TRAM2: variants seen among roughly 807,000 people sequenced by gnomAD.
TRAM2 encodes the protein translocation associated membrane protein 2.
Under a neutral mutation model 51.0 loss-of-function variants are expected in TRAM2, and 12 were observed. The observed-to-expected ratio is 0.24, with a 90% CI of 0.15 to 0.38. The LOEUF is 0.38. Ranked by LOEUF, TRAM2 falls within the 10% of genes least tolerant of loss-of-function variation. The pLI is 1.00. For synonymous variants in TRAM2, 175 were observed against 179.4 expected (o/e 0.98, Z 0.20); for missense variants, 361 against 462.0 (o/e 0.78, Z 2.00).
rs1766116888 is a variant in TRAM2, at chr6:52,497,838, T to C, written c.*5359A>G. The C allele has an allele frequency of 6.6e-6, 1 of 152,452 alleles. No individual in the cohort carries two copies. Among genetic ancestry groups the C allele is most frequent in the Non-Finnish European group, 1.5e-5 (1 of 68,042 alleles). The allele number at this position is 152,452 out of a possible 1,614,324, so 9.4% of individuals were successfully genotyped here. On this transcript the variant is annotated 3_prime_UTR_variant, in exon 11 of 11. Coordinates refer to ENST00000182527, the MANE Select transcript of TRAM2 (RefSeq NM_012288.4). ...AAGGAAACAGCGGTATTATATTTAC[T>C]GTCACAGCTAGACCCTATCAGGTGA... is the stretch of plus-strand genomic sequence containing the variant.
rs79327244 is a variant in TRAM2, at chr6:52,532,074, G to T, written c.184+3709C>A. On this transcript the variant is annotated intron_variant, in intron 2 of 10. Transcript: ENST00000182527. ...AGCTTTTTCTGCCCAGAGGGTCTGA[G>T]TTCAGCTCTAGAGTGTGCTGTCTAT... Among the ~76,000 whole-genome samples the T allele has an allele frequency of 2.0e-5, 3 of 152,336 alleles. No individual in the cohort carries two copies. The East Asian group carries it at 5.8e-4, about 29-fold the overall frequency.
chr6:52,546,669 CAG>C (rs1468154079), intron 1 of TRAM2, among the ~76,000 whole-genome samples: 3 of 152,088 alleles, frequency 2.0e-5, no homozygotes, highest in Admixed American at 6.5e-5. Flanking sequence ...GGGGTGATGA[CAG>C]ATATTCACAG....
intron 1 of TRAM2, among the ~76,000 whole-genome samples, chr6:52,543,148 C>T (rs1225679123): frequency 2.0e-5 from 3 of 149,216 alleles, no homozygotes; most frequent in Non-Finnish European, 4.4e-5. Context: ...CTTTGAGAGC[C>T]TTAATATATA....
intron 1 of TRAM2, among the ~76,000 whole-genome samples, chr6:52,564,667 C>G (rs1767560376): frequency 6.6e-6 from 1 of 152,170 alleles, no homozygotes; most frequent in African/African-American, 2.4e-5. Context: ...GACACCACCA[C>G]TCCCTAAGGA....
At chr6:52,508,679 A>G (rs546337081) in intron 5 of TRAM2, among the ~76,000 whole-genome samples, 1 of 152,366 alleles carries the variant, frequency 6.6e-6, no homozygotes, top group South Asian at 2.1e-4. Flanking sequence ...AAACAGCTCT[A>G]AGTAGCAAGG....
At chr6:52,509,948 T>C (rs1766423636) in intron 4 of TRAM2, among the ~76,000 whole-genome samples, 1 of 152,172 alleles carries the variant, frequency 6.6e-6, no homozygotes, top group African/African-American at 2.4e-5. Flanking sequence ...ACAGAGTTAT[T>C]GTTGGAAATG....
At chr6:52,516,280 A>G (rs1450414757) in intron 3 of TRAM2, 158 bp from the exon 4 acceptor site, 1 of 679,718 alleles carries the variant, frequency 1.5e-6, no homozygotes, top group South Asian at 1.8e-5. Context: ...CTGCGTGCAT[A>G]CAGTGCTTGG....
Position 52,501,353 on chromosome 6 carries a change from A to T in TRAM2, c.*1844T>A, listed in dbSNP as rs191680660. The T allele has an allele frequency of 6.6e-6, 1 of 152,296 alleles. No individual in the cohort carries two copies. Among genetic ancestry groups the T allele is most frequent in the Admixed American group, 6.5e-5 (1 of 15,300 alleles). The allele number at this position is 152,296 out of a possible 1,614,324, so 9.4% of individuals were successfully genotyped here. The stretch of plus-strand genomic sequence containing the variant: ...GTTACTGGGAAGCTAAAATTTATCT[A>T]TGATGTAAGTGACTTGGAGAAGGGG... On this transcript the variant is annotated 3_prime_UTR_variant, in exon 11 of 11. Transcript: ENST00000182527.
intron 1 of TRAM2, among the ~76,000 whole-genome samples, chr6:52,568,857 C>A (rs1157997843): frequency 6.6e-6 from 1 of 152,178 alleles, no homozygotes; most frequent in Non-Finnish European, 1.5e-5. Flanking sequence ...TCTGTCCCTG[C>A]AAAATTCAGG....
intron 2 of TRAM2, among the ~76,000 whole-genome samples, chr6:52,518,718 G>A (rs1215745839): frequency 6.6e-6 from 1 of 152,154 alleles, no homozygotes; most frequent in Non-Finnish European, 1.5e-5. Context: ...ACGAAGATGA[G>A]GGAGAGGAGA....
chr6:52,524,839 A>G (rs2284811), intron 2 of TRAM2: 30,543 of 151,968 alleles, frequency 0.2, 3,986 homozygotes, highest in Non-Finnish European at 0.29. Context: ...CTGTCATATG[A>G]CCCAGGGTCC....
chr6:52,499,278 A>G lies in TRAM2; in HGVS notation c.*3919T>C, dbSNP rs1766155860. 6.6e-6 allele frequency: 1 copy of G among 152,182 alleles called. No homozygotes were observed. Among genetic ancestry groups the G allele is most frequent in the South Asian group, 2.1e-4 (1 of 4,834 alleles). 9.4% of individuals were successfully genotyped at this position (152,182 alleles called of 1,614,324 possible). A position where few individuals can be genotyped will look rare whatever the true frequency, so the allele number is the denominator to read the frequency against. On this transcript the variant is annotated 3_prime_UTR_variant, in exon 11 of 11. Transcript: ENST00000182527. ...CAGAGTGAGGGAGGAAGAGCACTCC[A>G]TTGTCTTGACTCAAAAGCTTTCAGC...
Position 52,506,074 on chromosome 6 carries a change from G to A in TRAM2, c.689C>T (p.Thr230Met), listed in dbSNP as rs747125419. Residue 230 changes from threonine (T) to methionine (M), a missense_variant, in exon 8 of 11, where the codon ACG (threonine) becomes ATG (methionine). By Grantham distance (81) the Thr-to-Met change is moderately conservative. Coordinates refer to ENST00000182527, the MANE Select transcript of TRAM2 (RefSeq NM_012288.4). Reference protein sequence around the residue: ...LQYSTEFLFHTARLFYFADEN... With the variant: ...LQYSTEFLFHMARLFYFADEN... Reference sequence around the variant, plus strand: ...ATCTGCAAAGTAGAAGAGTCTAGCCGTGTGGAAGAGGAACTCAGTTGAGTA... The same window carrying A: ...ATCTGCAAAGTAGAAGAGTCTAGCCATGTGGAAGAGGAACTCAGTTGAGTA... The A allele has an allele frequency of 6.8e-6, 11 of 1,614,098 alleles. No homozygotes were observed. The highest frequency in any genetic ancestry group is 5.5e-5 in the South Asian group (5 of 91,092).
intron 1 of TRAM2, among the ~76,000 whole-genome samples, chr6:52,567,755 T>C (rs1193943985): frequency 3.3e-5 from 5 of 152,222 alleles, no homozygotes; most frequent in Non-Finnish European, 7.3e-5. Flanking sequence ...CTTTCCAATA[T>C]ACAGATTTTC....
chr6:52,573,863 G>C (rs1312616671), intron 1 of TRAM2, among the ~76,000 whole-genome samples: 1 of 152,180 alleles, frequency 6.6e-6, no homozygotes, highest in Non-Finnish European at 1.5e-5. Flanking sequence ...GCTGATGGGG[G>C]AGAGGGACCC....
intron 2 of TRAM2, among the ~76,000 whole-genome samples, chr6:52,530,275 G>A (rs1355018695): frequency 6.6e-6 from 1 of 152,178 alleles, no homozygotes; most frequent in African/African-American, 2.4e-5. Flanking sequence ...GGACGCCAGG[G>A]TGGCAGGGGC....
rs539470853 is a variant in TRAM2 at position 52,516,844 on chromosome 6, G to A, written c.185-107C>T. ...CGAAATGCGCCATCAAATGCTACCC[G>A]TTTGCTATAGCCTCAGACTCAGAAG... On this transcript the variant is annotated intron_variant, in intron 2 of 10. Transcript: ENST00000182527. 1.2e-4 allele frequency: 99 copies of A among 830,718 alleles called. 1 individual carries two copies. Among genetic ancestry groups the A allele is most frequent in the Middle Eastern group, 1.2e-3 (4 of 3,478 alleles). 51.5% of individuals were successfully genotyped at this position (830,718 alleles called of 1,614,324 possible). A position where few individuals can be genotyped will look rare whatever the true frequency, so the allele number is the denominator to read the frequency against.
intron 1 of TRAM2, among the ~76,000 whole-genome samples, chr6:52,574,464 G>A (rs1312073477): frequency 1.3e-5 from 2 of 152,190 alleles, no homozygotes; most frequent in East Asian, 3.8e-4. Context: ...GAGGCTTAGG[G>A]CAAAGCCCTC....
intron 1 of TRAM2, among the ~76,000 whole-genome samples, chr6:52,566,349 A>T (rs1767590900): frequency 6.6e-6 from 1 of 152,136 alleles, no homozygotes; most frequent in South Asian, 2.1e-4. Context: ...AAGTCTCTGA[A>T]TCAACACCAG....
Sources: gnomAD v4.1 joint callset for allele counts (sites outside exome capture counted in the v4.1 genomes callset) on GRCh38, gnomAD v4.1.1 for gene constraint, MANE v1.5 for transcripts, NCBI Gene and HGNC (gene_info 2026-07-23, HGNC 2026-07-21) for gene names.